Variants in DSG4 observed in about 807,000 individuals in gnomAD.
DSG4 encodes desmoglein-4.
In DSG4, 87 loss-of-function variants were observed where a neutral mutation model predicts 93.1. The ratio of observed to expected loss-of-function variants is 0.93; its 90% confidence interval spans 0.79 to 1.12. The LOEUF is 1.12. Among genes scored for constraint, DSG4 ranks in the 50% most tolerant of loss-of-function variants. The pLI, the probability that DSG4 is intolerant of heterozygous loss-of-function variation, is 0.00. For synonymous variants in DSG4, 432 were observed against 452.9 expected (o/e 0.95, Z 0.59); for missense variants, 1,373 against 1,285.7 (o/e 1.07, Z -1.04).
Position 31,391,201 on chromosome 18 carries a change from G to A in DSG4, c.808G>A (p.Glu270Lys), listed in dbSNP as rs761740344. 3 of 1,613,550 alleles carry A rather than the reference G, an allele frequency of 1.9e-6. No homozygotes were observed. The highest frequency in any genetic ancestry group is 1.7e-5 in the Admixed American group (1 of 60,000). The change falls in exon 7 of 16, where the codon GAG (glutamate) becomes AAG (lysine). Residue 270 changes from glutamate (E) to lysine (K), a missense_variant. By Grantham distance (56) the Glu-to-Lys change is moderately conservative. Transcript: ENST00000308128. Reference sequence around the variant, plus strand: ...CGTCAACGATAATTTCCCCACCTTAGAGAAAACTTCAGTAAGTTTGTATTC... The same window carrying A: ...CGTCAACGATAATTTCCCCACCTTAAAGAAAACTTCAGTAAGTTTGTATTC... The part of the protein sequence containing the change: ...LDVNDNFPTL[E>K]KTSYSASIEE...
At position 31,407,528 on chromosome 18, in the gene DSG4, T is replaced by C. The variant is rs60345564; in HGVS notation, c.1933+1155T>C. ...TACTTCATACATTTTAGGTTGCCCTTGCAATATTTAGGTTTCATGGGGATC... is the reference window on the plus strand; with the variant it reads ...TACTTCATACATTTTAGGTTGCCCTCGCAATATTTAGGTTTCATGGGGATC... On this transcript the variant is annotated intron_variant, in intron 12 of 15. Coordinates refer to ENST00000308128, the MANE Select transcript of DSG4 (RefSeq NM_177986.5). Among the ~76,000 whole-genome samples, 257 of 152,314 alleles carry C rather than the reference T, an allele frequency of 1.7e-3. 11 individuals are homozygous for C. The East Asian group carries it at 0.044, about 26-fold the overall frequency.
rs372838408 is a variant in DSG4, at chr18:31,390,728, A to G, written c.590A>G (p.Lys197Arg). ...ENHLNSKIAYKIVSQEPSGAP... is the reference protein window; with the variant it reads ...ENHLNSKIAYRIVSQEPSGAP... The stretch of plus-strand genomic sequence containing the variant: ...CATCTGAATTCTAAAATTGCCTACA[A>G]GATCGTCTCTCAGGAGCCATCAGGT... The change falls in exon 6 of 16, where the codon AAG (lysine) becomes AGG (arginine). Residue 197 changes from lysine to arginine, a missense_variant. Transcript: ENST00000308128. 7.4e-6 allele frequency: 12 copies of G among 1,613,758 alleles called. No homozygotes were observed. In the African/African-American group the frequency reaches 1.6e-4, roughly 22 times the overall value.
intron 1 of DSG4, among the ~76,000 whole-genome samples, chr18:31,381,325 A>T (rs2072132160): frequency 6.6e-6 from 1 of 152,162 alleles, no homozygotes; most frequent in South Asian, 2.1e-4. Flanking sequence ...AACATTTCAC[A>T]GTTAACAAAA....
chr18:31,399,480 A>G lies in DSG4; in HGVS notation c.1214A>G (p.Asn405Ser), dbSNP rs1232931755. ...REGIKGSSLL[N>S]YVLGTYTAID... ...GGAATAAAAGGAAGTTCCTTATTGA[A>G]TTATGTGCTTGGCACATATACAGCC... The change falls in exon 9 of 16, where the codon AAT (asparagine) becomes AGT (serine). Residue 405 changes from asparagine (N) to serine (S), a missense_variant. By Grantham distance (46) the Asn-to-Ser change is conservative. Transcript: ENST00000308128. The G allele has an allele frequency of 1.2e-5, 19 of 1,613,982 alleles. No individual in the cohort carries two copies. The highest frequency in any genetic ancestry group is 8.0e-5 in the African/African-American group (6 of 74,928).
At position 31,388,919 on chromosome 18, in the gene DSG4, C is replaced by T. The variant is rs752938690; in HGVS notation, c.418C>T (p.Pro140Ser). Reference sequence around the variant, plus strand: ...TTCACGGGGTGAAGATTTAGAAAGGCCTCTTGAGCTTAGAGTCAAAGTTAT... The same window carrying T: ...TTCACGGGGTGAAGATTTAGAAAGGTCTCTTGAGCTTAGAGTCAAAGTTAT... Reference protein sequence around the residue: ...LNSRGEDLERPLELRVKVMDI... With the variant: ...LNSRGEDLERSLELRVKVMDI... The change falls in exon 5 of 16, where the codon CCT becomes TCT. Residue 140 changes from proline (P) to serine (S), a missense_variant. Coordinates refer to ENST00000308128, the MANE Select transcript of DSG4 (RefSeq NM_177986.5). 6.2e-6 allele frequency: 10 copies of T among 1,613,496 alleles called. No homozygotes were observed. In the Admixed American group the frequency reaches 1.3e-4, roughly 22 times the overall value.
chr18:31,395,645 GA>G (rs2072297784), intron 8 of DSG4, among the ~76,000 whole-genome samples: 1 of 152,116 alleles, frequency 6.6e-6, no homozygotes, highest in African/African-American at 2.4e-5. Flanking sequence ...CCTTAACCCT[GA>G]GGAAACTGGA....
At chr18:31,409,287 A>G (rs1054072949) in intron 12 of DSG4, among the ~76,000 whole-genome samples, 165 bp from the exon 13 acceptor site, 1 of 152,174 alleles carries the variant, frequency 6.6e-6, no homozygotes, top group African/African-American at 2.4e-5. Context: ...ATAAACTTGG[A>G]TATGTATACT....
intron 7 of DSG4, 144 bp from the exon 8 acceptor site, chr18:31,392,011 C>T (rs2144180921): frequency 1.4e-6 from 1 of 700,712 alleles, no homozygotes; most frequent in Admixed American, 2.8e-5. Flanking sequence ...TTCTTATTCT[C>T]CTGATTGGAC....
rs770425494 is a variant in DSG4, at chr18:31,376,954, C to T, written c.43C>T (p.Leu15=). ...CAGAAACATTTGCCTTTTGATCATT[C>T]TAATGGTAAGTAGAATTTAAAGAGG... ...FFRNICLLII[L]MVVMEVNSEF... Residue 15 remains leucine, a synonymous_variant, in exon 1 of 16, where the codon CTA becomes TTA. Coordinates refer to ENST00000308128, the MANE Select transcript of DSG4 (RefSeq NM_177986.5). 6.8e-6 allele frequency: 11 copies of T among 1,613,326 alleles called. No homozygotes were observed. In the South Asian group the frequency reaches 1.2e-4, roughly 18 times the overall value.
intron 5 of DSG4, 93 bp downstream of exon 5, chr18:31,389,111 A>G: frequency 6.9e-7 from 1 of 1,455,960 alleles, no homozygotes; most frequent in Non-Finnish European, 9.6e-7. Flanking sequence ...AATGTAAAGG[A>G]CAGAAAAAGC....
In DSG4 at chr18:31,411,393, G is replaced by A. The variant is rs2072489510; in HGVS notation, c.2300G>A (p.Arg767Gln). ...AGGAGCTCTACCATGGGAACCCTGC[G>A]GGACTACGCTGACGCAGACATCAAC... ...RKRSSTMGTLRDYADADINMA... is the reference protein window; with the variant it reads ...RKRSSTMGTLQDYADADINMA... Residue 767 changes from arginine (R) to glutamine (Q), a missense_variant, in exon 15 of 16, where the codon CGG becomes CAG. Transcript: ENST00000308128. 6.2e-7 allele frequency: 1 copy of A among 1,614,078 alleles called. No homozygotes were observed. The highest frequency in any genetic ancestry group is 8.5e-7 in the Non-Finnish European group (1 of 1,180,016).
At position 31,396,630 on chromosome 18, in the gene DSG4, A is replaced by G. The variant is rs536708862; in HGVS notation, c.1006-2642A>G. Among the ~76,000 whole-genome samples, 13 of 152,108 alleles carry G rather than the reference A, an allele frequency of 8.5e-5. 1 individual carries two copies. Among genetic ancestry groups the G allele is most frequent in the Non-Finnish European group, 1.5e-4 (10 of 68,008 alleles). On this transcript the variant is annotated intron_variant, in intron 8 of 15. Transcript: ENST00000308128. ...CTCAGCTTCGCACAGTGCTGGGATT[A>G]CATGTGTGAGCCACCGCACCCAGCC...
At chr18:31,390,851 T>TA in intron 6 of DSG4, 29 bp downstream of exon 6, 1 of 1,606,726 alleles carries the variant, frequency 6.2e-7, no homozygotes, top group Non-Finnish European at 8.5e-7. Flanking sequence ...GAACAAGAAC[T>TA]AAAAAATTCA....
chr18:31,378,754 T>C (rs2072103855), intron 1 of DSG4, among the ~76,000 whole-genome samples: 1 of 152,168 alleles, frequency 6.6e-6, no homozygotes, highest in Non-Finnish European at 1.5e-5. Context: ...GTGTCTGGAA[T>C]TGGGAGGTAG....
At chr18:31,385,300 A>G in intron 2 of DSG4, 129 bp downstream of exon 2, 1 of 676,464 alleles carries the variant, frequency 1.5e-6, no homozygotes, top group Non-Finnish European at 2.4e-6. Context: ...AGAAAGAACT[A>G]GTGAACTGAA....
intron 8 of DSG4, among the ~76,000 whole-genome samples, chr18:31,399,059 A>G (rs1223674718): frequency 6.6e-6 from 1 of 152,212 alleles, no homozygotes; most frequent in Non-Finnish European, 1.5e-5. Context: ...ACAGCCTTAA[A>G]TAATCTACAT....
chr18:31,413,308 A>C lies in DSG4; in HGVS notation c.2836A>C (p.Ile946Leu). ...TEAVMAPVYD[I>L]QGNICVPAEL... is the part of the protein sequence containing the mutation. ...AGCAGTAATGGCACCTGTCTATGAT[A>C]TTCAAGGGAATATTTGTGTACCTGC... The change falls in exon 16 of 16, where the codon ATT (isoleucine) becomes CTT (leucine). Residue 946 changes from isoleucine to leucine, a missense_variant. By Grantham distance (5) the Ile-to-Leu change is conservative (BLOSUM62 2). Coordinates refer to ENST00000308128, the MANE Select transcript of DSG4 (RefSeq NM_177986.5). 6.2e-7 allele frequency: 1 copy of C among 1,614,188 alleles called. No homozygotes were observed. Among genetic ancestry groups the C allele is most frequent in the South Asian group, 1.1e-5 (1 of 91,086 alleles).
chr18:31,406,768 T>G (rs924075668), intron 12 of DSG4, among the ~76,000 whole-genome samples: 4 of 152,014 alleles, frequency 2.6e-5, no homozygotes, highest in African/African-American at 9.7e-5. Context: ...GAGGATTTTT[T>G]TTTTCTTTTT....
chr18:31,395,563 C>G (rs1045012313), intron 8 of DSG4, among the ~76,000 whole-genome samples: 1 of 138,834 alleles, frequency 7.2e-6, no homozygotes. Flanking sequence ...TGGTCAGCCT[C>G]TCATTCCAGA....
Sources: gnomAD v4.1 joint callset for allele counts (sites outside exome capture counted in the v4.1 genomes callset) on GRCh38, gnomAD v4.1.1 for gene constraint, MANE v1.5 for transcripts, NCBI Gene and HGNC (gene_info 2026-07-23, HGNC 2026-07-21) for gene names.